The following NFIB variants were observed in gnomAD, a reference collection of about 807,000 sequenced individuals.
NFIB encodes the protein nuclear factor 1 B-type.
NFIB carries 11 observed loss-of-function variants against 61.5 expected under a neutral mutation model. That is an observed-to-expected ratio of 0.18 (90% CI 0.11 to 0.30). NFIB has a LOEUF of 0.30. Ranked by LOEUF, NFIB falls within the 10% of genes least tolerant of loss-of-function variation. The probability of loss-of-function intolerance (pLI) is 1.00; values close to 1 mark genes in which losing one functional copy is unlikely to be tolerated. For missense variants in NFIB, 471 were observed against 608.9 expected, an observed-to-expected ratio of 0.77 and a Z score of 2.38; for synonymous variants, 260 against 216.5, an observed-to-expected ratio of 1.20 and a Z score of -1.76.
upstream of NFIB, among the ~76,000 whole-genome samples, chr9:14,401,475 G>C (rs555673767): frequency 6.6e-6 from 1 of 152,274 alleles, no homozygotes; most frequent in East Asian, 1.9e-4. Context: ...AAGAAACCTA[G>C]GGCAGCGTCT....
At chr9:14,310,279 C>G (rs1466793601) in intron 1 of NFIB, among the ~76,000 whole-genome samples, 1 of 152,102 alleles carries the variant, frequency 6.6e-6, no homozygotes, top group Admixed American at 6.5e-5. Context: ...ATAAAAGTAG[C>G]AAACTTTCTC....
chr9:14,460,546 A>T, the NFIB span, among the ~76,000 whole-genome samples: 1 of 152,312 alleles, frequency 6.6e-6, no homozygotes. Flanking sequence ...TTTCTGTTGC[A>T]GATAGTTAGA....
At chr9:14,189,081 G>A (rs903157526) in intron 2 of NFIB, among the ~76,000 whole-genome samples, 2 of 152,124 alleles carry the variant, frequency 1.3e-5, no homozygotes, top group Non-Finnish European at 2.9e-5. Context: ...CAGCATTTAT[G>A]TTACTACCTA....
intron 2 of NFIB, among the ~76,000 whole-genome samples, chr9:14,286,030 C>T (rs567483462): frequency 1.4e-4 from 22 of 152,310 alleles, no homozygotes; most frequent in African/African-American, 4.1e-4. Context: ...CAAGTTCCAA[C>T]GCCATGCACA....
At chr9:14,293,545 C>T (rs1403861158) in intron 2 of NFIB, among the ~76,000 whole-genome samples, 1 of 152,218 alleles carries the variant, frequency 6.6e-6, no homozygotes, top group African/African-American at 2.4e-5. Flanking sequence ...ATAATCCTTA[C>T]TCAGAAGTCC....
At chr9:14,462,313 T>G in the NFIB span, among the ~76,000 whole-genome samples, 1 of 151,898 alleles carries the variant, frequency 6.6e-6, no homozygotes, top group African/African-American at 2.4e-5. Context: ...GACAGAGTCT[T>G]GCTCTGTTGC....
intron 1 of NFIB, among the ~76,000 whole-genome samples, chr9:14,350,201 G>T (rs2061089434): frequency 6.6e-6 from 1 of 152,100 alleles, no homozygotes; most frequent in Admixed American, 6.6e-5. Context: ...AAACAATGCC[G>T]CTTATTAGAG....
chr9:14,112,315 G>T (rs900254120), intron 10 of NFIB, among the ~76,000 whole-genome samples: 1 of 152,162 alleles, frequency 6.6e-6, no homozygotes. Flanking sequence ...GACTGTGGCT[G>T]ATCTGTTTAT....
chr9:14,424,404 C>T, the NFIB span, among the ~76,000 whole-genome samples: 14,073 of 152,226 alleles, frequency 0.092, 752 homozygotes, highest in South Asian at 0.13. Context: ...TCACAGAACA[C>T]ATTAGCATAT....
intron 2 of NFIB, among the ~76,000 whole-genome samples, chr9:14,283,711 T>A (rs1485628758): frequency 6.6e-6 from 1 of 152,224 alleles, no homozygotes; most frequent in Non-Finnish European, 1.5e-5. Flanking sequence ...AAAGTCAGTA[T>A]GTTTAAATGT....
In NFIB at chr9:14,087,752, T is replaced by C. The variant is rs2033086577; in HGVS notation, c.*557A>G. On this transcript the variant is annotated 3_prime_UTR_variant, in exon 11 of 11. Coordinates refer to ENST00000380953, the MANE Select transcript of NFIB (RefSeq NM_001190737.2). ...GAGTGCTTATAAAATGGCTGGCTCATGGCTCTGTCACCCAGCACCTCTGAC... is the reference window on the plus strand; with the variant it reads ...GAGTGCTTATAAAATGGCTGGCTCACGGCTCTGTCACCCAGCACCTCTGAC... 1 of 219,972 alleles carries C rather than the reference T, an allele frequency of 4.5e-6. No homozygotes were observed. The highest frequency in any genetic ancestry group is 6.6e-5 in the East Asian group (1 of 15,052). 13.6% of individuals were successfully genotyped at this position (219,972 alleles called of 1,614,324 possible).
At chr9:14,184,532 A>C (rs374042836) in intron 2 of NFIB, among the ~76,000 whole-genome samples, 2 of 152,166 alleles carry the variant, frequency 1.3e-5, no homozygotes, top group African/African-American at 4.8e-5. Context: ...AGGAAATTCT[A>C]ATGTTTTATG....
chr9:14,475,055 G>A, the NFIB span, among the ~76,000 whole-genome samples: 22 of 152,172 alleles, frequency 1.4e-4, no homozygotes, highest in Non-Finnish European at 2.1e-4. Context: ...TCACAGACAC[G>A]CCCAGAAGTA....
intron 2 of NFIB, among the ~76,000 whole-genome samples, chr9:14,302,015 T>C (rs2059778297): frequency 6.6e-6 from 1 of 152,180 alleles, no homozygotes; most frequent in Non-Finnish European, 1.5e-5. Context: ...CAAACATGCA[T>C]ACCAAGTATT....
the NFIB span, among the ~76,000 whole-genome samples, chr9:14,491,387 G>T: frequency 6.6e-6 from 1 of 152,164 alleles, no homozygotes; most frequent in South Asian, 2.1e-4. Context: ...AGGGCAAGAA[G>T]AAATTTCAGA....
At chr9:14,505,529 G>C in the NFIB span, among the ~76,000 whole-genome samples, 1 of 152,156 alleles carries the variant, frequency 6.6e-6, no homozygotes, top group African/African-American at 2.4e-5. Flanking sequence ...GTCACCCCCT[G>C]ATAACTGGGG....
At chr9:14,252,451 A>C (rs1232062154) in intron 2 of NFIB, among the ~76,000 whole-genome samples, 1 of 152,174 alleles carries the variant, frequency 6.6e-6, no homozygotes, top group African/African-American at 2.4e-5. Flanking sequence ...TTTTTCTGTC[A>C]GTAAAGTAAT....
chr9:14,136,024 T>C (rs912050116), intron 6 of NFIB, among the ~76,000 whole-genome samples: 5 of 152,238 alleles, frequency 3.3e-5, no homozygotes, highest in African/African-American at 1.2e-4. Context: ...CACTTCGCTA[T>C]AAAAAAGGTC....
chr9:14,497,977 A>T, the NFIB span, among the ~76,000 whole-genome samples: 2 of 152,240 alleles, frequency 1.3e-5, no homozygotes, highest in Non-Finnish European at 2.9e-5. Flanking sequence ...TCCTGGATCT[A>T]AACTTGCCTG....
Sources: allele counts gnomAD v4.1 joint callset (sites outside exome capture counted in the v4.1 genomes callset), GRCh38; gene constraint gnomAD v4.1.1; transcripts MANE v1.5; gene names NCBI Gene and HGNC (gene_info 2026-07-23, HGNC 2026-07-21).